HEATR5A: variants seen among roughly 807,000 people sequenced by gnomAD.
The protein encoded by HEATR5A is HEAT repeat containing 5A, also known as HEAT repeat-containing protein 5A.
Under a neutral mutation model 218.8 loss-of-function variants are expected in HEATR5A, and 178 were observed. The ratio of observed to expected loss-of-function variants is 0.81; its 90% CI spans 0.72 to 0.92. The LOEUF (loss-of-function observed/expected upper bound fraction) is 0.92, where lower values mean the gene tolerates loss of function less well. Ranked by LOEUF, HEATR5A falls within the 40% of genes least tolerant of loss-of-function variation. The pLI is 0.00. For missense variants in HEATR5A, 2,420 were observed against 2,418.9 expected, an observed-to-expected ratio of 1.00 and a Z score of -0.01; for synonymous variants, 864 against 871.6, an observed-to-expected ratio of 0.99 and a Z score of 0.15.
chr14:31,376,151 C>T (rs117069545), intron 11 of HEATR5A, among the ~76,000 whole-genome samples: 2,756 of 152,212 alleles, frequency 0.018, 32 homozygotes, highest in Non-Finnish European at 0.029. Flanking sequence ...ATTTCTTCAT[C>T]CATAAATGGG....
chr14:31,419,551 C>T (rs1200057503), intron 1 of HEATR5A, among the ~76,000 whole-genome samples: 1 of 152,108 alleles, frequency 6.6e-6, no homozygotes, highest in East Asian at 1.9e-4. Flanking sequence ...ATCTTTCAGG[C>T]TGTAAATTCC....
chr14:31,309,861 C>A (rs1899680836), intron 28 of HEATR5A, among the ~76,000 whole-genome samples: 1 of 152,010 alleles, frequency 6.6e-6, no homozygotes, highest in Non-Finnish European at 1.5e-5. Flanking sequence ...CACCACCACG[C>A]CCAGCTAATT....
intron 4 of HEATR5A, among the ~76,000 whole-genome samples, chr14:31,396,648 A>G (rs2030665397): frequency 6.6e-6 from 1 of 152,200 alleles, no homozygotes; most frequent in Non-Finnish European, 1.5e-5. Context: ...TCATAGGTGA[A>G]CATAATAAAA....
At chr14:31,337,858 T>C (rs1179890152) in intron 21 of HEATR5A, among the ~76,000 whole-genome samples, 1 of 152,140 alleles carries the variant, frequency 6.6e-6, no homozygotes, top group Non-Finnish European at 1.5e-5. Flanking sequence ...CTAACAAAAG[T>C]CTTTTGGCAG....
intron 22 of HEATR5A, among the ~76,000 whole-genome samples, chr14:31,328,310 A>C (rs768164434): frequency 6.6e-6 from 1 of 152,128 alleles, no homozygotes; most frequent in Non-Finnish European, 1.5e-5. Flanking sequence ...TATCTTTTAA[A>C]TATTAGAAGG....
chr14:31,412,405 C>T (rs2031305616), intron 1 of HEATR5A, among the ~76,000 whole-genome samples: 1 of 150,448 alleles, frequency 6.6e-6, no homozygotes, highest in African/African-American at 2.4e-5. Context: ...TCATCCTGGC[C>T]AACATGGTGA....
chr14:31,327,796 A>G (rs931385075), intron 22 of HEATR5A, among the ~76,000 whole-genome samples: 2 of 152,186 alleles, frequency 1.3e-5, no homozygotes, highest in Non-Finnish European at 2.9e-5. Context: ...ACAAAGTAAT[A>G]CCTCAAAGGG....
chr14:31,326,436 A>G (rs1270545328), intron 22 of HEATR5A, 94 bp from the exon 23 acceptor site: 14 of 883,316 alleles, frequency 1.6e-5, no homozygotes, highest in Non-Finnish European at 2.5e-5. Context: ...AATAGTAGAT[A>G]AAAATACATC....
At chr14:31,334,258 T>C (rs1228341569) in intron 22 of HEATR5A, 1 of 360,346 alleles carries the variant, frequency 2.8e-6, no homozygotes, top group African/African-American at 2.1e-5. Context: ...TTTTCATGCC[T>C]GTTAACACAA....
rs1209027119 is a variant in HEATR5A at position 31,378,690 on chromosome 14, A to T, written c.1708+1777T>A. On this transcript the variant is annotated intron_variant, in intron 11 of 35. Coordinates refer to ENST00000543095, the MANE Select transcript of HEATR5A (RefSeq NM_015473.4). ...GTAGTCCCAGCTACTCGGGAGGCTG[A>T]GGCAGGAGAATGGCATGAACCCAGG... 2.0e-5 allele frequency among the ~76,000 whole-genome samples: 3 copies of T among 149,274 alleles called. No individual in the cohort carries two copies. The East Asian group carries it at 6.3e-4, about 32-fold the overall frequency.
intron 1 of HEATR5A, chr14:31,420,191 G>A (rs2031599955): frequency 6.6e-6 from 1 of 152,590 alleles, no homozygotes; most frequent in South Asian, 2.1e-4. Flanking sequence ...CCGTAGTCCA[G>A]GAGGAAGAAC....
At position 31,308,996 on chromosome 14, in the gene HEATR5A, G is replaced by A; in HGVS notation, c.4628C>T (p.Ser1543Leu). ...AGGGGACTTTATGGTAGCCCCAGATGATGAACCCTGACACATGGAAGTTGG... is the reference window on the plus strand; with the variant it reads ...AGGGGACTTTATGGTAGCCCCAGATAATGAACCCTGACACATGGAAGTTGG... ...VTPTSMCQGS[S>L]SGATIKSPED... is the part of the protein sequence containing the mutation. The change falls in exon 29 of 36, where the codon TCA (serine) becomes TTA (leucine). Residue 1543 changes from serine (S) to leucine (L), a missense_variant. Transcript: ENST00000543095. 6.2e-7 allele frequency: 1 copy of A among 1,613,820 alleles called. No individual in the cohort carries two copies. Among genetic ancestry groups the A allele is most frequent in the Non-Finnish European group, 8.5e-7 (1 of 1,179,750 alleles).
At chr14:31,320,242 G>C in intron 25 of HEATR5A, 2 of 681,972 alleles carry the variant, frequency 2.9e-6, no homozygotes, top group Middle Eastern at 4.3e-4. Context: ...CGAACAGGAT[G>C]AAGAAGGAGA....
At chr14:31,336,317 C>T (rs1186100258) in intron 22 of HEATR5A, among the ~76,000 whole-genome samples, 1 of 147,294 alleles carries the variant, frequency 6.8e-6, no homozygotes, top group East Asian at 2.0e-4. Flanking sequence ...TGATCTTGAA[C>T]TCCTGGCCTC....
At chr14:31,410,784 C>T (rs1246937512) in intron 1 of HEATR5A, among the ~76,000 whole-genome samples, 3 of 152,054 alleles carry the variant, frequency 2.0e-5, no homozygotes, top group African/African-American at 7.2e-5. Flanking sequence ...CTTCTTTCTA[C>T]AATAAAATAC....
intron 5 of HEATR5A, 68 bp downstream of exon 5, chr14:31,395,130 CT>C: frequency 1.9e-6 from 2 of 1,052,634 alleles, no homozygotes; most frequent in Non-Finnish European, 2.6e-6. Flanking sequence ...TTTACTAATG[CT>C]TTCACAAAGA....
intron 22 of HEATR5A, among the ~76,000 whole-genome samples, chr14:31,336,865 C>A (rs890510179): frequency 1.3e-5 from 2 of 152,164 alleles, no homozygotes; most frequent in Non-Finnish European, 2.9e-5. Flanking sequence ...TAGGCAATTT[C>A]ATTGTCATGT....
intron 16 of HEATR5A, among the ~76,000 whole-genome samples, chr14:31,355,793 C>A (rs1448007848): frequency 1.3e-5 from 2 of 152,114 alleles, no homozygotes; most frequent in Admixed American, 6.6e-5. Context: ...ACTTTCCAAC[C>A]GGTAAACATT....
chr14:31,334,385 C>G, intron 22 of HEATR5A: 2 of 455,706 alleles, frequency 4.4e-6, no homozygotes, highest in Non-Finnish European at 8.8e-6. Context: ...AACTGAAAAC[C>G]TTCTGGAAAG....
Sources: allele counts gnomAD v4.1 joint callset (sites outside exome capture counted in the v4.1 genomes callset), GRCh38; gene constraint gnomAD v4.1.1; transcripts MANE v1.5; gene names NCBI Gene and HGNC (gene_info 2026-07-23, HGNC 2026-07-21).